Variants in UTP6 observed in about 807,000 individuals in gnomAD.
UTP6 encodes the protein UTP6 small subunit processome component.
Under a neutral mutation model 96.5 loss-of-function variants are expected in UTP6, and 60 were observed. The observed-to-expected ratio is 0.62, with a 90% confidence interval of 0.51 to 0.77. The LOEUF is 0.77. Among genes scored for constraint, UTP6 ranks in the 30% least tolerant of loss-of-function variants. UTP6 has a pLI of 0.00. For synonymous variants in UTP6, 215 were observed against 240.1 expected (o/e 0.90, Z 0.96); for missense variants, 637 against 706.5 (o/e 0.90, Z 1.12).
intron 2 of UTP6, among the ~76,000 whole-genome samples, chr17:31,898,794 G>A (rs6505266): frequency 0.29 from 43,463 of 151,932 alleles, 6,952 homozygotes; most frequent in African/African-American, 0.43. Flanking sequence ...CATAGCACTC[G>A]CTTTGGGAGG....
chr17:31,894,723 T>C lies in UTP6; in HGVS notation c.234A>G (p.Ser78=). The C allele has an allele frequency of 1.9e-6, 3 of 1,610,458 alleles. No homozygotes were observed. Among genetic ancestry groups the C allele is most frequent in the South Asian group, 1.1e-5 (1 of 90,388 alleles). The part of the protein sequence containing the change: ...IQRRRTRIGY[S]FKKDEIENSI... ...AATTCTCAATCTCATCCTTCTTAAA[T>C]GAATATCCAATGCGCTAAAGGGGGA... The change falls in exon 4 of 19, where the codon TCA becomes TCG. Residue 78 remains serine, a synonymous_variant. Coordinates refer to ENST00000261708, the MANE Select transcript of UTP6 (RefSeq NM_018428.3).
chr17:31,880,508 A>G, intron 11 of UTP6, 65 bp downstream of exon 11: 1 of 1,600,052 alleles, frequency 6.2e-7, no homozygotes, highest in Non-Finnish European at 8.6e-7. Context: ...TGGGAACAGG[A>G]GCTTAAGTTT....
At chr17:31,891,581 A>G (rs966917403) in intron 6 of UTP6, among the ~76,000 whole-genome samples, 2 of 152,204 alleles carry the variant, frequency 1.3e-5, no homozygotes, top group African/African-American at 4.8e-5. Context: ...TTTCTCTTAC[A>G]AAACATGAGT....
intron 18 of UTP6, among the ~76,000 whole-genome samples, chr17:31,864,254 A>AC (rs1440548214): frequency 3.9e-5 from 6 of 152,062 alleles, no homozygotes; most frequent in Non-Finnish European, 7.4e-5. Flanking sequence ...GCATGGTGGC[A>AC]CGCGTGCCTG....
chr17:31,901,459 A>T, intron 1 of UTP6, 77 bp downstream of exon 1: 1 of 1,374,766 alleles, frequency 7.3e-7, no homozygotes, highest in Non-Finnish European at 1.0e-6. Flanking sequence ...GAGCGTCCCC[A>T]CATCTAGCCC....
chr17:31,877,323 T>C (rs1910552499), intron 13 of UTP6, among the ~76,000 whole-genome samples: 5 of 152,160 alleles, frequency 3.3e-5, no homozygotes. Context: ...TACAAATTTG[T>C]GAAAAATTAA....
chr17:31,892,791 C>G lies in UTP6; in HGVS notation c.316G>C (p.Asp106His). 1 of 1,614,128 alleles carries G rather than the reference C, an allele frequency of 6.2e-7. No homozygotes were observed. Among genetic ancestry groups the G allele is most frequent in the Middle Eastern group, 1.7e-4 (1 of 6,060 alleles). The change falls in exon 5 of 19, where the codon GAT (aspartate) becomes CAT (histidine). Residue 106 changes from aspartate to histidine, a missense_variant. By Grantham distance (81) the Asp-to-His change is moderately conservative. Transcript: ENST00000261708. ...FQRASAKWKD[D>H]VQLWLSYVAF... ...ACATAGGAGAGCCAAAGTTGAACAT[C>G]GTCCTGCAAGAAAAGCAATGTAGTA...
At chr17:31,885,858 G>T in intron 9 of UTP6, 122 bp downstream of exon 9, 1 of 755,998 alleles carries the variant, frequency 1.3e-6, no homozygotes. Flanking sequence ...AAAGAAACAG[G>T]ACACTATTCC....
In UTP6 at chr17:31,894,664, C is replaced by G; in HGVS notation, c.293G>C (p.Arg98Pro). Residue 98 changes from arginine (R) to proline (P), a missense_variant, in exon 4 of 19, where the codon CGT (arginine) becomes CCT (proline). By Grantham distance (103) the Arg-to-Pro change is moderately radical (BLOSUM62 -2). Transcript: ENST00000261708. ...ACTCACTTTCCATTTTGCTGAGGCA[C>G]GCTGGAAAACACCTTGTACCCGGTG... ...IVHRVQGVFQRASAKWKDDVQ... is the reference protein window; with the variant it reads ...IVHRVQGVFQPASAKWKDDVQ... 1 of 1,609,782 alleles carries G rather than the reference C, an allele frequency of 6.2e-7. No individual in the cohort carries two copies. Among genetic ancestry groups the G allele is most frequent in the Non-Finnish European group, 8.5e-7 (1 of 1,177,694 alleles).
At chr17:31,886,113 G>A in intron 8 of UTP6, 52 bp from the exon 9 acceptor site, 11 of 1,501,794 alleles carry the variant, frequency 7.3e-6, no homozygotes, top group Non-Finnish European at 9.1e-6. Context: ...AGGAGGAAAA[G>A]CACTAGGACG....
rs187250404 is a variant in UTP6, at chr17:31,899,611, G to T, written c.177+35C>A. On this transcript the variant is annotated intron_variant, in intron 2 of 18. Transcript: ENST00000261708. ...TGCCATCTCACCAAAAAACAAAAAA[G>T]AAAAAAAGAAAGAAATTATTAATTA... 6.0e-5 allele frequency: 91 copies of T among 1,521,824 alleles called. No individual in the cohort carries two copies. In the African/African-American group the frequency reaches 1.0e-3, roughly 17 times the overall value. 94.3% of individuals were successfully genotyped at this position (1,521,824 alleles called of 1,614,324 possible). A position where few individuals can be genotyped will look rare whatever the true frequency, so the allele number is the denominator to read the frequency against.
Position 31,889,284 on chromosome 17 carries a change from C to T in UTP6, c.543+1G>A, listed in dbSNP as rs542003176. ...CTCATCCTATGTGCATACACACTCA[C>T]TTCTTTATAAAGTTTTGGGCACTCT... is the stretch of plus-strand genomic sequence containing the variant. On this transcript the variant is annotated splice_donor_variant, in intron 7 of 18. Transcript: ENST00000261708. LOFTEE classifies it high-confidence loss of function. The T allele has an allele frequency of 6.2e-7, 1 of 1,610,134 alleles. No individual in the cohort carries two copies. Among genetic ancestry groups the T allele is most frequent in the South Asian group, 1.1e-5 (1 of 90,956 alleles).
intron 10 of UTP6, among the ~76,000 whole-genome samples, chr17:31,883,303 A>G: frequency 6.6e-6 from 1 of 151,824 alleles, no homozygotes; most frequent in East Asian, 1.9e-4. Context: ...TTAGAATTTT[A>G]TATAAGCTTT....
At chr17:31,872,416 CT>C (rs1381509688) in intron 16 of UTP6, among the ~76,000 whole-genome samples, 2 of 151,954 alleles carry the variant, frequency 1.3e-5, no homozygotes, top group African/African-American at 4.8e-5. Context: ...ACTTATAATC[CT>C]AGCACTTTGG....
At chr17:31,882,067 G>A (rs986556482) in intron 10 of UTP6, among the ~76,000 whole-genome samples, 1 of 152,054 alleles carries the variant, frequency 6.6e-6, no homozygotes, top group African/African-American at 2.4e-5. Context: ...TTTCTCTCTT[G>A]TTGCCCAAGC....
At position 31,872,585 on chromosome 17, in the gene UTP6, C is replaced by T. The variant is rs77284183; in HGVS notation, c.1496+793G>A. ...CAGACATTTGGGAGGCTGAGGTGGGCGGACTGCTTGAGCCCAGAAGGTCAA... is the reference window on the plus strand; with the variant it reads ...CAGACATTTGGGAGGCTGAGGTGGGTGGACTGCTTGAGCCCAGAAGGTCAA... On this transcript the variant is annotated intron_variant, in intron 16 of 18. Coordinates refer to ENST00000261708, the MANE Select transcript of UTP6 (RefSeq NM_018428.3). 1.4e-3 allele frequency among the ~76,000 whole-genome samples: 218 copies of T among 151,598 alleles called. 5 individuals carry two copies. In the East Asian group the frequency reaches 0.036, roughly 25 times the overall value.
chr17:31,882,374 G>A (rs1459340848), intron 10 of UTP6, among the ~76,000 whole-genome samples: 1 of 149,612 alleles, frequency 6.7e-6, no homozygotes, highest in Non-Finnish European at 1.5e-5. Context: ...AGGATGGAGT[G>A]CAGTGGGACG....
chr17:31,899,066 G>A (rs955673805), intron 2 of UTP6, among the ~76,000 whole-genome samples: 5 of 152,140 alleles, frequency 3.3e-5, no homozygotes, highest in Non-Finnish European at 5.9e-5. Flanking sequence ...GGCTGGGCCC[G>A]GTGGCTCACA....
intron 16 of UTP6, among the ~76,000 whole-genome samples, chr17:31,870,466 AT>A (rs1337248214): frequency 6.9e-6 from 1 of 145,534 alleles, no homozygotes; most frequent in African/African-American, 2.5e-5. Context: ...TACAGCTATT[AT>A]GTTTGTTTTG....
Sources: gnomAD v4.1 joint callset for allele counts (sites outside exome capture counted in the v4.1 genomes callset) on GRCh38, gnomAD v4.1.1 for gene constraint, MANE v1.5 for transcripts, NCBI Gene and HGNC (gene_info 2026-07-23, HGNC 2026-07-21) for gene names.